The following TPPP variants were observed in gnomAD, a reference collection of about 807,000 sequenced individuals.
TPPP encodes the protein tubulin polymerization-promoting protein.
Under a neutral mutation model 15.5 loss-of-function variants are expected in TPPP, and 6 were observed. That is an observed-to-expected ratio of 0.39 (90% CI 0.21 to 0.77). TPPP has a LOEUF of 0.77. Among genes scored for constraint, TPPP ranks in the 30% least tolerant of loss-of-function variants. The pLI, the probability that TPPP is intolerant of heterozygous loss-of-function variation, is 0.42. For missense variants in TPPP, 269 were observed against 307.2 expected, an observed-to-expected ratio of 0.88 and a Z score of 0.93; for synonymous variants, 146 against 133.9, an observed-to-expected ratio of 1.09 and a Z score of -0.63.
At chr5:672,391 C>G (rs557469224) in intron 2 of TPPP, among the ~76,000 whole-genome samples, 1 of 152,240 alleles carries the variant, frequency 6.6e-6, no homozygotes, top group Non-Finnish European at 1.5e-5. Context: ...CTATAGGAAA[C>G]GTCAGTGCAT....
chr5:671,075 G>T (rs1740204017), intron 2 of TPPP, among the ~76,000 whole-genome samples: 1 of 152,168 alleles, frequency 6.6e-6, no homozygotes, highest in Non-Finnish European at 1.5e-5. Flanking sequence ...CCACCATGAA[G>T]CCCCCACACA....
At chr5:683,385 C>A (rs1158093978) in intron 1 of TPPP, among the ~76,000 whole-genome samples, 4 of 152,198 alleles carry the variant, frequency 2.6e-5, no homozygotes, top group African/African-American at 9.7e-5. Flanking sequence ...GCACGCACGC[C>A]ACACACTCAA....
At chr5:677,201 A>G (rs1740480442) in intron 2 of TPPP, among the ~76,000 whole-genome samples, 1 of 152,240 alleles carries the variant, frequency 6.6e-6, no homozygotes, top group Non-Finnish European at 1.5e-5. Context: ...CAGCAGCACA[A>G]AGGCTTTGGG....
intron 2 of TPPP, among the ~76,000 whole-genome samples, chr5:673,522 C>A (rs889985789): frequency 2.0e-5 from 3 of 152,148 alleles, no homozygotes; most frequent in Admixed American, 2.0e-4. Flanking sequence ...GTCCTGGCCA[C>A]CTGAGCTGCT....
In TPPP at chr5:664,982, G is replaced by A. The variant is rs1422752807; in HGVS notation, c.*120C>T. ...GAGGCCTGGGCCTGGCCGCCCCCCA[G>A]CCCCCTCTGGGGCACCCGTCTGAGT... On this transcript the variant is annotated 3_prime_UTR_variant, in exon 4 of 4. Transcript: ENST00000360578. 1 of 1,263,684 alleles carries A rather than the reference G, an allele frequency of 7.9e-7. No homozygotes were observed. The highest frequency in any genetic ancestry group is 1.4e-5 in the South Asian group (1 of 69,566). The allele number at this position is 1,263,684 out of a possible 1,614,324, so 78.3% of individuals were successfully genotyped here. A position where few individuals can be genotyped will look rare whatever the true frequency, so the allele number is the denominator to read the frequency against.
Position 687,100 on chromosome 5 carries a change from G to A in TPPP, c.-5+6178C>T, listed in dbSNP as rs576549869. On this transcript the variant is annotated intron_variant, in intron 1 of 3. Coordinates refer to ENST00000360578, the MANE Select transcript of TPPP (RefSeq NM_007030.3). ...GCCATGAGGCCGGGGCTGCAGTGAC[G>A]CAGCCACACGCCCAGGACAACTGGA... 1.1e-4 allele frequency among the ~76,000 whole-genome samples: 14 copies of A among 127,564 alleles called. 2 individuals are homozygous for A. Among genetic ancestry groups the A allele is most frequent in the African/African-American group, 2.7e-4 (10 of 37,400 alleles). 83.7% of individuals were successfully genotyped at this position (127,564 alleles called of 152,430 possible).
intron 2 of TPPP, chr5:676,005 C>T (rs866161163): frequency 3.2e-5 from 4 of 123,716 alleles, no homozygotes; most frequent in South Asian, 2.4e-4. Flanking sequence ...ATGGAGCCTC[C>T]CCTCCAGCTT....
intron 1 of TPPP, among the ~76,000 whole-genome samples, chr5:681,314 C>T (rs897601986): frequency 9.2e-5 from 14 of 152,204 alleles, no homozygotes; most frequent in African/African-American, 3.1e-4. Context: ...AAACTGCTCA[C>T]CTGGGGTCAA....
At chr5:692,429 CG>C (rs1554024025) in intron 1 of TPPP, 1 of 679,786 alleles carries the variant, frequency 1.5e-6, no homozygotes, top group Non-Finnish European at 1.8e-6. Flanking sequence ...CCCCCAACCC[CG>C]TATCAAAATA....
intron 2 of TPPP, chr5:676,618 G>A (rs1240789260): frequency 2.0e-5 from 3 of 152,268 alleles, no homozygotes; most frequent in Non-Finnish European, 2.9e-5. Context: ...CGGACAGGAC[G>A]GGGCTCAGGG....
chr5:698,399 A>G, the TPPP span, among the ~76,000 whole-genome samples: 1 of 152,038 alleles, frequency 6.6e-6, no homozygotes, highest in East Asian at 1.9e-4. Context: ...GTGAAATTAT[A>G]TTCTACATAG....
In TPPP at chr5:665,166, G is replaced by A. The variant is rs781693901; in HGVS notation, c.596C>T (p.Ser199Leu). 8 of 1,613,584 alleles carry A rather than the reference G, an allele frequency of 5.0e-6. No homozygotes were observed. The highest frequency in any genetic ancestry group is 2.2e-5 in the East Asian group (1 of 44,870). ...KAGRVDLVDE[S>L]GYVSGYKHAG... ...GTGCTTGTAGCCGGACACATAGCCTGACTCGTCCACCAGATCCACGCGGCC... is the reference window on the plus strand; with the variant it reads ...GTGCTTGTAGCCGGACACATAGCCTAACTCGTCCACCAGATCCACGCGGCC... The change falls in exon 4 of 4, where the codon TCA becomes TTA. Residue 199 changes from serine to leucine, a missense_variant. Transcript: ENST00000360578.
At chr5:667,977 C>CT (rs530410964) in intron 2 of TPPP, among the ~76,000 whole-genome samples, 8 of 48,518 alleles carry the variant, frequency 1.6e-4, no homozygotes, top group African/African-American at 1.2e-3. Flanking sequence ...GACAAGCACA[C>CT]AGAGAGGGGG....
chr5:696,215 G>A (rs372273304), upstream of TPPP, among the ~76,000 whole-genome samples: 2,983 of 134,774 alleles, frequency 0.022, 24 homozygotes, highest in Non-Finnish European at 0.036. Flanking sequence ...GGAGATGCTG[G>A]GCCATCTGGG....
chr5:664,654 C>T lies in TPPP; in HGVS notation c.*448G>A, dbSNP rs1580069894. ...CGGGCCCCACAGACACCTCCCACGT[C>T]CGGTGTGGGGCCAATTCCGTGTTAG... is the stretch of plus-strand genomic sequence containing the variant. On this transcript the variant is annotated 3_prime_UTR_variant, in exon 4 of 4. Coordinates refer to ENST00000360578, the MANE Select transcript of TPPP (RefSeq NM_007030.3). The T allele has an allele frequency of 5.9e-6, 1 of 170,736 alleles. No homozygotes were observed. The highest frequency in any genetic ancestry group is 2.4e-5 in the African/African-American group (1 of 41,882). The allele number at this position is 170,736 out of a possible 1,614,324, so 10.6% of individuals were successfully genotyped here.
At chr5:696,144 T>A (rs1220768602), upstream of TPPP, among the ~76,000 whole-genome samples, 1 of 128,856 alleles carries the variant, frequency 7.8e-6, no homozygotes, top group East Asian at 2.0e-4. Flanking sequence ...ACAGTGGAGG[T>A]TGGGAAGAGC....
chr5:678,105 G>A (rs1477932717), intron 1 of TPPP, 41 bp from the exon 2 acceptor site: 2 of 1,456,760 alleles, frequency 1.4e-6, no homozygotes, highest in East Asian at 2.5e-5. Flanking sequence ...CCCGGGCCAT[G>A]TCCCAGCTGA....
intron 3 of TPPP, 122 bp from the exon 4 acceptor site, chr5:665,418 C>G (rs759235912): frequency 1.1e-6 from 1 of 904,454 alleles, no homozygotes; most frequent in African/African-American, 1.7e-5. Context: ...GGCATAAACC[C>G]TGGGATTTAT....
In TPPP at chr5:677,966, G is replaced by A. The variant is rs754176094; in HGVS notation, c.95C>T (p.Ser32Leu). ...CTCACCAGCACCCTCCGATTCCAGC[G>A]ACAGCCTCTTGGCTGCCCGGTCCTT... ...PSKDRAAKRLSLESEGAGEGA... is the reference protein window; with the variant it reads ...PSKDRAAKRLLLESEGAGEGA... Residue 32 changes from serine to leucine, a missense_variant, in exon 2 of 4, where the codon TCG (serine) becomes TTG (leucine). By Grantham distance (145) the Ser-to-Leu change is moderately radical. Transcript: ENST00000360578. 17 of 1,610,846 alleles carry A rather than the reference G, an allele frequency of 1.1e-5. No individual in the cohort carries two copies. The highest frequency in any genetic ancestry group is 5.0e-5 in the Admixed American group (3 of 59,744).
Sources: allele counts gnomAD v4.1 joint callset (sites outside exome capture counted in the v4.1 genomes callset), GRCh38; gene constraint gnomAD v4.1.1; transcripts MANE v1.5; gene names NCBI Gene and HGNC (gene_info 2026-07-23, HGNC 2026-07-21).